NFASC: variants seen among roughly 807,000 people sequenced by gnomAD.
NFASC encodes the protein neurofascin homolog.
In NFASC, 43 loss-of-function variants were observed where a neutral mutation model predicts 147.5. The observed-to-expected ratio is 0.29, with a 90% CI of 0.23 to 0.38. NFASC has a LOEUF of 0.38. Among genes scored for constraint, NFASC ranks in the 10% least tolerant of loss-of-function variants. The pLI is 1.00. For synonymous variants in NFASC, 622 were observed against 665.5 expected (o/e 0.93, Z 1.01); for missense variants, 1,320 against 1,689.0 (o/e 0.78, Z 3.83).
intron 1 of NFASC, among the ~76,000 whole-genome samples, chr1:204,873,402 A>G (rs1310952201): frequency 6.6e-6 from 1 of 152,172 alleles, no homozygotes; most frequent in Non-Finnish European, 1.5e-5. Context: ...CCTAGGAAAA[A>G]GCCAGGGAGG....
intron 1 of NFASC, among the ~76,000 whole-genome samples, chr1:204,887,129 C>CTACTCATTAAACAA (rs1188603626): frequency 1.3e-5 from 2 of 152,186 alleles, no homozygotes; most frequent in Non-Finnish European, 2.9e-5. Context: ...AATTAAAACT[C>CTACTCATTAAACAA]TACTCATTAA....
At chr1:204,969,005 T>A (rs1478339134) in intron 10 of NFASC, 23 bp downstream of exon 10, 37 of 1,598,836 alleles carry the variant, frequency 2.3e-5, no homozygotes, top group Non-Finnish European at 3.1e-5. Flanking sequence ...TATTTATCAT[T>A]ATGATTATGT....
At position 204,849,417 on chromosome 1, in the gene NFASC, T is replaced by G. The variant is rs562125576; in HGVS notation, c.-200+20635T>G. Among the ~76,000 whole-genome samples, 7 of 152,308 alleles carry G rather than the reference T, an allele frequency of 4.6e-5. No homozygotes were observed. The South Asian group carries it at 1.0e-3, about 23-fold the overall frequency. ...TGGTTCTCATGCTTTAGCCTGCATC[T>G]GAGGCACTGGGGGGGCTTGTTAGAA... On this transcript the variant is annotated intron_variant, in intron 1 of 29. Transcript: ENST00000339876.
chr1:204,894,421 T>C (rs1031581019), intron 1 of NFASC, among the ~76,000 whole-genome samples: 2 of 152,232 alleles, frequency 1.3e-5, no homozygotes, highest in Admixed American at 1.3e-4. Flanking sequence ...TGTAATTTAG[T>C]TTCAAAAACA....
intron 1 of NFASC, among the ~76,000 whole-genome samples, chr1:204,877,023 T>TAAA (rs2079019077): frequency 2.0e-5 from 2 of 101,658 alleles, no homozygotes; most frequent in Non-Finnish European, 3.4e-5. Flanking sequence ...TATATATATA[T>TAAA]ATATAATATA....
chr1:204,884,876 G>A (rs116239937), intron 1 of NFASC, among the ~76,000 whole-genome samples: 2,369 of 152,280 alleles, frequency 0.016, 30 homozygotes, highest in Non-Finnish European at 0.023. Flanking sequence ...GCCATAGAGC[G>A]CATGGTCTTA....
At chr1:204,973,537 G>C (rs1412466441) in intron 12 of NFASC, 118 bp downstream of exon 12, 1 of 1,288,626 alleles carries the variant, frequency 7.8e-7, no homozygotes, top group Non-Finnish European at 1.1e-6. Context: ...AGCTGGGTGA[G>C]GTAAGAGGAT....
At chr1:204,853,189 A>G (rs1006224763) in intron 1 of NFASC, among the ~76,000 whole-genome samples, 3 of 151,914 alleles carry the variant, frequency 2.0e-5, no homozygotes, top group Non-Finnish European at 2.9e-5. Flanking sequence ...ATTTTTATTT[A>G]GTCAAGGCTG....
At chr1:205,014,958 G>A (rs2096322849) in intron 29 of NFASC, among the ~76,000 whole-genome samples, 1 of 152,126 alleles carries the variant, frequency 6.6e-6, no homozygotes, top group Non-Finnish European at 1.5e-5. Context: ...CAGCCCCAGA[G>A]AGCTGCCTCC....
chr1:204,973,461 T>C, intron 12 of NFASC, 42 bp downstream of exon 12: 1 of 1,608,806 alleles, frequency 6.2e-7, no homozygotes, highest in South Asian at 1.1e-5. Flanking sequence ...TCCTCTCCAC[T>C]ACTGCACAGT....
chr1:205,014,806 A>G (rs985528353), intron 29 of NFASC, among the ~76,000 whole-genome samples: 1 of 152,176 alleles, frequency 6.6e-6, no homozygotes, highest in Non-Finnish European at 1.5e-5. Context: ...CCCATAGCAC[A>G]GTCCTCATGC....
intron 17 of NFASC, 141 bp downstream of exon 17, chr1:204,977,866 T>G: frequency 1.5e-6 from 1 of 650,794 alleles, no homozygotes; most frequent in Non-Finnish European, 2.6e-6. Flanking sequence ...TGGGACCTCC[T>G]TTGAGTTGCC....
chr1:204,845,962 A>G (rs1676925261), intron 1 of NFASC, among the ~76,000 whole-genome samples: 1 of 152,194 alleles, frequency 6.6e-6, no homozygotes. Context: ...AATTCGGAAG[A>G]AATGGACAAT....
intron 27 of NFASC, among the ~76,000 whole-genome samples, chr1:205,003,077 C>G (rs1264528081): frequency 6.6e-6 from 1 of 152,162 alleles, no homozygotes; most frequent in Non-Finnish European, 1.5e-5. Context: ...GTCTGTGGGT[C>G]TGGGGGCTGC....
At chr1:204,876,436 T>A (rs1461071034) in intron 1 of NFASC, among the ~76,000 whole-genome samples, 1 of 152,236 alleles carries the variant, frequency 6.6e-6, no homozygotes, top group African/African-American at 2.4e-5. Context: ...TCTTATTTCA[T>A]CATGGTAAAA....
chr1:204,880,879 C>G (rs952413737), intron 1 of NFASC, among the ~76,000 whole-genome samples: 3 of 152,186 alleles, frequency 2.0e-5, no homozygotes, highest in African/African-American at 7.2e-5. Flanking sequence ...CCATTTGCAC[C>G]TTGCTGACTG....
Position 204,988,799 on chromosome 1 carries a change from G to T in NFASC, c.2760G>T (p.Pro920=), listed in dbSNP as rs770211494. Reference sequence around the variant, plus strand: ...TCACAGAGGAGTCACCAGCACCCCCGAATGAAGGTAGGTGCATGGCAGCAG... The same window carrying T: ...TCACAGAGGAGTCACCAGCACCCCCTAATGAAGGTAGGTGCATGGCAGCAG... ...EAVTEESPAP[P]NEATPTAAPP... Residue 920 remains proline (P), a synonymous_variant, in exon 23 of 30, where the codon CCG becomes CCT. Transcript: ENST00000339876. 4 of 1,613,916 alleles carry T rather than the reference G, an allele frequency of 2.5e-6. No individual in the cohort carries two copies. The highest frequency in any genetic ancestry group is 3.4e-6 in the Non-Finnish European group (4 of 1,179,964).
intron 1 of NFASC, among the ~76,000 whole-genome samples, chr1:204,885,390 G>A (rs61090959): frequency 4.4e-5 from 5 of 114,808 alleles, no homozygotes; most frequent in South Asian, 2.6e-4. Flanking sequence ...TTTGCCCTGT[G>A]GGGGGGGAAG....
At chr1:204,995,893 G>A (rs2095837163) in intron 24 of NFASC, among the ~76,000 whole-genome samples, 1 of 152,078 alleles carries the variant, frequency 6.6e-6, no homozygotes, top group Admixed American at 6.5e-5. Flanking sequence ...AGGCTGGGTA[G>A]GATTCCTTGG....
Sources: gnomAD v4.1 joint callset for allele counts (sites outside exome capture counted in the v4.1 genomes callset) on GRCh38, gnomAD v4.1.1 for gene constraint, MANE v1.5 for transcripts, NCBI Gene and HGNC (gene_info 2026-07-23, HGNC 2026-07-21) for gene names.